The following GPR35 variants were observed in gnomAD, a reference collection of about 807,000 sequenced individuals.
GPR35 encodes the protein G protein-coupled receptor 35, also known as KYNA receptor.
For synonymous variants in GPR35, 207 were observed against 198.4 expected (o/e 1.04, Z -0.36); for missense variants, 372 against 422.5 (o/e 0.88, Z 1.05).
intron 1 of GPR35, chr2:240,629,652 G>C (rs2043417143): frequency 3.0e-6 from 1 of 332,674 alleles, no homozygotes; most frequent in Admixed American, 4.3e-5. Context: ...GCTGGGCTGG[G>C]GACTGGAGGG....
chr2:240,628,650 C>G (rs762880015), intron 1 of GPR35: 6 of 152,252 alleles, frequency 3.9e-5, no homozygotes, highest in Non-Finnish European at 7.3e-5. Context: ...TTTGGGCGCT[C>G]TCCCCTCCTG....
upstream of GPR35, among the ~76,000 whole-genome samples, chr2:240,623,057 C>T (rs201312905): frequency 0.2 from 13,131 of 64,272 alleles, 688 homozygotes; most frequent in South Asian, 0.38. Flanking sequence ...CCCAGGCGAC[C>T]GTGCCTGAGC....
At chr2:240,624,135 G>T (rs955934124), upstream of GPR35, among the ~76,000 whole-genome samples, 2 of 152,176 alleles carry the variant, frequency 1.3e-5, no homozygotes, top group Non-Finnish European at 2.9e-5. Flanking sequence ...TGCACCTCCA[G>T]TCCCTGCTTG....
chr2:240,606,854 T>A lies in GPR35; in HGVS notation c.-577+242T>A, dbSNP rs6725511. On this transcript the variant is annotated intron_variant, in intron 2 of 5. Transcript: ENST00000319838. ...TTTAAGGAGCCTGAGTCTTATCTCC[T>A]GGGCAATTGGGAGCCACTACATAGT... Among the ~76,000 whole-genome samples the A allele has an allele frequency of 5.6e-4, 85 of 152,318 alleles. 5 individuals are homozygous for A. In the South Asian group the frequency reaches 0.017, roughly 31 times the overall value.
intron 2 of GPR35, among the ~76,000 whole-genome samples, chr2:240,613,895 T>C (rs1575461379): frequency 6.7e-6 from 1 of 149,124 alleles, no homozygotes; most frequent in East Asian, 2.0e-4. Flanking sequence ...ACCTTACCCC[T>C]AACCATAACA....
At chr2:240,624,585 A>C (rs1012063954), upstream of GPR35, among the ~76,000 whole-genome samples, 1 of 152,076 alleles carries the variant, frequency 6.6e-6, no homozygotes, top group Non-Finnish European at 1.5e-5. Context: ...GTCCGTTTCC[A>C]CCGCTGTAAA....
upstream of GPR35, among the ~76,000 whole-genome samples, chr2:240,621,408 C>T (rs1280383818): frequency 2.0e-5 from 3 of 152,108 alleles, no homozygotes; most frequent in Non-Finnish European, 2.9e-5. Flanking sequence ...GCACGCGCCA[C>T]CACGCCCAGC....
exon 4 of GPR35, chr2:240,617,148 G>A: frequency 1.4e-6 from 1 of 714,736 alleles, no homozygotes; most frequent in Non-Finnish European, 2.6e-6. Flanking sequence ...TGAGACTGCA[G>A]CCCCGGCTGA....
At chr2:240,623,310 C>CAAACAGGTCATGAGGGT (rs1559437438), upstream of GPR35, among the ~76,000 whole-genome samples, 286 of 95,718 alleles carry the variant, frequency 3.0e-3, 12 homozygotes, top group Admixed American at 4.2e-3. Flanking sequence ...GTCATGAGGG[C>CAAACAGGTCATGAGGGT]GCAAACAGGT....
At chr2:240,626,316 T>TGAGGCTCTGACGGGGTCTCAGAGTGGGGC (rs2043377104) in intron 1 of GPR35, among the ~76,000 whole-genome samples, 1 of 4,332 alleles carries the variant, frequency 2.3e-4, no homozygotes, top group Non-Finnish European at 5.0e-4. Flanking sequence ...CAGAGCGGGG[T>TGAGGCTCTGACGGGGTCTCAGAGTGGGGC]GAGGCTGTGA....
chr2:240,608,684 T>C (rs1353726737), intron 2 of GPR35, among the ~76,000 whole-genome samples: 2 of 152,246 alleles, frequency 1.3e-5, no homozygotes, highest in African/African-American at 4.8e-5. Context: ...TTATGCATGA[T>C]ATTGGCCTGT....
upstream of GPR35, chr2:240,625,185 G>A (rs927877787): frequency 2.5e-6 from 2 of 805,512 alleles, no homozygotes; most frequent in Non-Finnish European, 3.0e-6. Flanking sequence ...GGAGGAGGAA[G>A]GCTCCGTGGG....
In GPR35 at chr2:240,630,845, A is replaced by T. The variant is rs770029174; in HGVS notation, c.893A>T (p.His298Leu). ...ALAVAPSAKAHKSQDSLCVTL... is the reference protein window; with the variant it reads ...ALAVAPSAKALKSQDSLCVTL... ...GCCGTGGCTCCCAGTGCTAAGGCCCACAAAAGCCAGGACTCTCTGTGCGTG... is the reference window on the plus strand; with the variant it reads ...GCCGTGGCTCCCAGTGCTAAGGCCCTCAAAAGCCAGGACTCTCTGTGCGTG... The change falls in exon 2 of 2, where the codon CAC (histidine) becomes CTC (leucine). Residue 298 changes from histidine to leucine, a missense_variant. His to Leu is a moderately conservative substitution (Grantham distance 99). Coordinates refer to ENST00000407714, the MANE Select transcript of GPR35 (RefSeq NM_005301.5). 1.2e-6 allele frequency: 2 copies of T among 1,612,972 alleles called. No homozygotes were observed. The highest frequency in any genetic ancestry group is 1.7e-6 in the Non-Finnish European group (2 of 1,179,988).
At chr2:240,614,118 CCTAACCCTAACA>C (rs1256240111) in intron 2 of GPR35, among the ~76,000 whole-genome samples, 1 of 152,108 alleles carries the variant, frequency 6.6e-6, no homozygotes, top group Admixed American at 6.5e-5. Context: ...TAACCCTAAG[CCTAACCCTAACA>C]CTAACCCTAG....
At chr2:240,628,579 G>A (rs1384039588) in intron 1 of GPR35, 2 of 152,218 alleles carry the variant, frequency 1.3e-5, no homozygotes, top group Non-Finnish European at 2.9e-5. Context: ...GGAGTTCCCG[G>A]GGACCACCGT....
At chr2:240,623,125 C>A (rs11887524), upstream of GPR35, among the ~76,000 whole-genome samples, 87,246 of 152,146 alleles carry the variant, frequency 0.57, 25,523 homozygotes, top group African/African-American at 0.65. Flanking sequence ...GCCCCGCGGC[C>A]GGAGTCGCTG....
chr2:240,626,666 C>T (rs1425757494), intron 1 of GPR35, among the ~76,000 whole-genome samples: 3 of 152,156 alleles, frequency 2.0e-5, no homozygotes, highest in African/African-American at 7.2e-5. Context: ...ACAGCCCCAT[C>T]CTGGGTCCTG....
intron 1 of GPR35, among the ~76,000 whole-genome samples, chr2:240,626,445 G>A (rs1158052567): frequency 6.6e-6 from 1 of 151,760 alleles, no homozygotes; most frequent in African/African-American, 2.4e-5. Flanking sequence ...GGCTGTGATG[G>A]GGAGTCTCAG....
chr2:240,620,933 C>A (rs2125481665), upstream of GPR35, among the ~76,000 whole-genome samples: 1 of 152,372 alleles, frequency 6.6e-6, no homozygotes, highest in South Asian at 2.1e-4. Flanking sequence ...TGGTCCCCAG[C>A]CCCTCACAGT....
Sources: gnomAD v4.1 joint callset for allele counts (sites outside exome capture counted in the v4.1 genomes callset) on GRCh38, gnomAD v4.1.1 for gene constraint, MANE v1.5 for transcripts, NCBI Gene and HGNC (gene_info 2026-07-23, HGNC 2026-07-21) for gene names.